NKX2-2: variants seen among roughly 807,000 people sequenced by gnomAD.
The protein encoded by NKX2-2 is NK2 homeobox 2.
In NKX2-2, 8 loss-of-function variants were observed where a neutral mutation model predicts 24.6. The ratio of observed to expected loss-of-function variants is 0.32; its 90% CI spans 0.19 to 0.59. The LOEUF (loss-of-function observed/expected upper bound fraction) is 0.59. Ranked by LOEUF, NKX2-2 falls within the 20% of genes least tolerant of loss-of-function variation. The pLI is 0.86. For synonymous variants in NKX2-2, 217 were observed against 173.3 expected (o/e 1.25, Z -1.98); for missense variants, 381 against 373.9 (o/e 1.02, Z -0.16).
At chr20:21,512,563 G>T in intron 1 of NKX2-2, 78 bp from the exon 2 acceptor site, 1 of 1,140,804 alleles carries the variant, frequency 8.8e-7, no homozygotes, top group South Asian at 1.6e-5. Context: ...GAGCACCCTG[G>T]ATCCTCCGTG....
chr20:21,513,252 AG>A lies in NKX2-2; in HGVS notation c.259+158del, dbSNP rs2122543213. Among the ~76,000 whole-genome samples the A allele has an allele frequency of 6.6e-6, 1 of 152,358 alleles. No homozygotes were observed. Among genetic ancestry groups the A allele is most frequent in the South Asian group, 2.1e-4 (1 of 4,834 alleles). ...TAAGGAGGCTTGAAGAGGAGGGCAG[AG>A]GACATCCTATACAGGTGTTAAAAAT... is the stretch of plus-strand genomic sequence containing the variant. On this transcript the variant is annotated intron_variant, in intron 1 of 1. Transcript: ENST00000377142. This position sits in a 1 kb window ranked among gnomAD's most constrained non-coding sequence, Gnocchi z 4.6.
At chr20:21,520,732 C>A in the NKX2-2 span, among the ~76,000 whole-genome samples, 1 of 152,158 alleles carries the variant, frequency 6.6e-6, no homozygotes, top group East Asian at 1.9e-4. Context: ...ACGCCACGTC[C>A]CCCTGGGCGA....
rs1446478725 is a variant in NKX2-2, at chr20:21,513,706, G to A, written c.-37C>T. ...CCAAAATTTATGTCGCAAAGTTGTA[G>A]CTTCACTTGGTCAATTCGTGGCGCT... On this transcript the variant is annotated 5_prime_UTR_variant, in exon 1 of 2. Transcript: ENST00000377142. The surrounding 1 kb of genome is among the most constrained non-coding windows in gnomAD (Gnocchi z 4.6). The A allele has an allele frequency of 7.4e-7, 1 of 1,343,864 alleles. No homozygotes were observed. Among genetic ancestry groups the A allele is most frequent in the Admixed American group, 2.8e-5 (1 of 36,266 alleles). 83.2% of individuals were successfully genotyped at this position (1,343,864 alleles called of 1,614,324 possible).
chr20:21,517,115 C>A (rs979554751), upstream of NKX2-2, among the ~76,000 whole-genome samples: 1 of 152,190 alleles, frequency 6.6e-6, no homozygotes, highest in Admixed American at 6.5e-5. Context: ...GAGAAGGAGG[C>A]CCTCAGCCCA....
At chr20:21,516,361 C>T (rs757434181), upstream of NKX2-2, among the ~76,000 whole-genome samples, 6 of 150,884 alleles carry the variant, frequency 4.0e-5, no homozygotes, top group African/African-American at 7.3e-5. Context: ...TTGTTTGAAT[C>T]GTCTTCCTCG....
Position 21,513,079 on chromosome 20 carries a change from CA to C in NKX2-2, c.259+331del, listed in dbSNP as rs1408724519. On this transcript the variant is annotated intron_variant, in intron 1 of 1. Coordinates refer to ENST00000377142, the MANE Select transcript of NKX2-2 (RefSeq NM_002509.4). The surrounding 1 kb of genome is among the most constrained non-coding windows in gnomAD (Gnocchi z 4.6). ...TCCAGGGCGCCAGGCCAGTCCCTCCCAGCGGCCGGAGTCCGGGGGCTGCGGC... is the reference window on the plus strand; with the variant it reads ...TCCAGGGCGCCAGGCCAGTCCCTCCCGCGGCCGGAGTCCGGGGGCTGCGGC... 6.6e-6 allele frequency among the ~76,000 whole-genome samples: 1 copy of C among 152,226 alleles called. No homozygotes were observed. Among genetic ancestry groups the C allele is most frequent in the Non-Finnish European group, 1.5e-5 (1 of 68,044 alleles).
In NKX2-2 at chr20:21,513,328, C is replaced by G; in HGVS notation, c.259+83G>C. The G allele has an allele frequency of 7.0e-7, 1 of 1,436,596 alleles. No homozygotes were observed. Among genetic ancestry groups the G allele is most frequent in the Non-Finnish European group, 9.2e-7 (1 of 1,082,418 alleles). The allele number at this position is 1,436,596 out of a possible 1,614,324, so 89.0% of individuals were successfully genotyped here. A position where few individuals can be genotyped will look rare whatever the true frequency, so the allele number is the denominator to read the frequency against. On this transcript the variant is annotated intron_variant, in intron 1 of 1. Coordinates refer to ENST00000377142, the MANE Select transcript of NKX2-2 (RefSeq NM_002509.4). This position sits in a 1 kb window ranked among gnomAD's most constrained non-coding sequence, Gnocchi z 4.6. Reference sequence around the variant, plus strand: ...GTCCGGGCTTACATGGCCCCTTCCCCTTTCACTCCCAGCGTCCAACCCGGG... The same window carrying G: ...GTCCGGGCTTACATGGCCCCTTCCCGTTTCACTCCCAGCGTCCAACCCGGG...
rs150594923 is a variant in NKX2-2 at position 21,511,850 on chromosome 20, C to T, written c.*73G>A. 0.019 allele frequency: 22,087 copies of T among 1,142,946 alleles called. 248 individuals are homozygous for T. The highest frequency in any genetic ancestry group is 0.024 in the Non-Finnish European group (19,600 of 810,576). The allele number at this position is 1,142,946 out of a possible 1,614,324, so 70.8% of individuals were successfully genotyped here. On this transcript the variant is annotated 3_prime_UTR_variant, in exon 2 of 2. Coordinates refer to ENST00000377142, the MANE Select transcript of NKX2-2 (RefSeq NM_002509.4). ...TAATAATAATAACCACCATAAGGACCGAGGCCTCCTCGCCGCCACCGCCGC... is the reference window on the plus strand; with the variant it reads ...TAATAATAATAACCACCATAAGGACTGAGGCCTCCTCGCCGCCACCGCCGC...
At chr20:21,522,381 A>G in the NKX2-2 span, among the ~76,000 whole-genome samples, 1 of 152,072 alleles carries the variant, frequency 6.6e-6, no homozygotes, top group Non-Finnish European at 1.5e-5. Context: ...CCGTGCCCGG[A>G]GCGCGTTCCC....
At chr20:21,514,609 C>A (rs973343456), upstream of NKX2-2, among the ~76,000 whole-genome samples, 1 of 152,216 alleles carries the variant, frequency 6.6e-6, no homozygotes, top group African/African-American at 2.4e-5. Context: ...CGCGCGCCCA[C>A]CCCCGGCAAG....
At chr20:21,514,612 C>T (rs1431328038), upstream of NKX2-2, among the ~76,000 whole-genome samples, 2 of 152,072 alleles carry the variant, frequency 1.3e-5, no homozygotes, top group South Asian at 2.1e-4. Flanking sequence ...GCGCCCACCC[C>T]CGGCAAGCCG....
At chr20:21,522,675 C>T in the NKX2-2 span, among the ~76,000 whole-genome samples, 1 of 151,512 alleles carries the variant, frequency 6.6e-6, no homozygotes, top group Non-Finnish European at 1.5e-5. Flanking sequence ...CGGGCGGCGG[C>T]TCGACGCGGC....
chr20:21,519,549 A>G, the NKX2-2 span, among the ~76,000 whole-genome samples: 1 of 152,320 alleles, frequency 6.6e-6, no homozygotes, highest in Non-Finnish European at 1.5e-5. Context: ...GTGTGGCGAT[A>G]AAGACGTTCA....
rs575944159 is a variant in NKX2-2 at position 21,511,033 on chromosome 20, A to G, written c.*890T>C. ...GATTTTTTCTTTTTTTCTTTTTTAAACACAGGATTTTTATTAAAATTCTTA... is the reference window on the plus strand; with the variant it reads ...GATTTTTTCTTTTTTTCTTTTTTAAGCACAGGATTTTTATTAAAATTCTTA... On this transcript the variant is annotated 3_prime_UTR_variant, in exon 2 of 2. Coordinates refer to ENST00000377142, the MANE Select transcript of NKX2-2 (RefSeq NM_002509.4). The G allele has an allele frequency of 1.3e-5, 2 of 152,512 alleles. No individual in the cohort carries two copies. Among genetic ancestry groups the G allele is most frequent in the Admixed American group, 6.5e-5 (1 of 15,310 alleles). The allele number at this position is 152,512 out of a possible 1,614,324, so 9.4% of individuals were successfully genotyped here.
chr20:21,512,374 T>G lies in NKX2-2; in HGVS notation c.371A>C (p.Asp124Ala). ...TCGCCGCTTTCGCTTCTTGCCGGCG[T>G]CCCCCCCGCCGCCCGGGGTCTCCTT... ...NDKETPGGGG[D>A]AGKKRKRRVL... The change falls in exon 2 of 2, where the codon GAC (aspartate) becomes GCC (alanine). Residue 124 changes from aspartate to alanine, a missense_variant. Transcript: ENST00000377142. The G allele has an allele frequency of 6.2e-7, 1 of 1,602,928 alleles. No homozygotes were observed. Among genetic ancestry groups the G allele is most frequent in the Non-Finnish European group, 8.5e-7 (1 of 1,176,396 alleles).
chr20:21,516,688 T>C (rs554206192), upstream of NKX2-2, among the ~76,000 whole-genome samples: 2 of 152,308 alleles, frequency 1.3e-5, no homozygotes, highest in African/African-American at 4.8e-5. Flanking sequence ...GGAGGCTGTC[T>C]TGGGGTCCAG....
Position 21,512,343 on chromosome 20 carries a change from A to G in NKX2-2, c.402T>C (p.Leu134=). The G allele has an allele frequency of 6.2e-7, 1 of 1,612,360 alleles. No homozygotes were observed. Among genetic ancestry groups the G allele is most frequent in the East Asian group, 2.2e-5 (1 of 44,796 alleles). ...GCTCGTAGGTCTGCGCCTTGGAGAA[A>G]AGCACTCGCCGCTTTCGCTTCTTGC... The part of the protein sequence containing the change: ...DAGKKRKRRV[L]FSKAQTYELE... Residue 134 remains leucine, a synonymous_variant, in exon 2 of 2, where the codon CTT becomes CTC. Transcript: ENST00000377142.
the NKX2-2 span, among the ~76,000 whole-genome samples, chr20:21,519,441 G>T: frequency 6.6e-6 from 1 of 152,242 alleles, no homozygotes; most frequent in Non-Finnish European, 1.5e-5. Context: ...GGTTTTGTCG[G>T]AGGGGGAAGG....
chr20:21,514,248 C>A (rs1170937241), upstream of NKX2-2, among the ~76,000 whole-genome samples: 2 of 152,016 alleles, frequency 1.3e-5, no homozygotes, highest in Non-Finnish European at 2.9e-5. Context: ...AGGTTGGCCA[C>A]GTGTGGGCGG....
Sources: allele counts gnomAD v4.1 joint callset (sites outside exome capture counted in the v4.1 genomes callset), GRCh38; gene constraint gnomAD v4.1.1; non-coding constraint Gnocchi (gnomAD v3.1); transcripts MANE v1.5; gene names NCBI Gene and HGNC (gene_info 2026-07-23, HGNC 2026-07-21).